The following BMPER variants were observed in gnomAD, a reference collection of about 807,000 sequenced individuals.
The protein encoded by BMPER is BMP-binding endothelial regulator protein.
A neutral mutation model predicts 87.3 loss-of-function variants in BMPER; 45 were observed. That is an observed-to-expected ratio of 0.52 (90% CI 0.41 to 0.66). The LOEUF (loss-of-function observed/expected upper bound fraction) is 0.66, where lower values mean the gene tolerates loss of function less well. Among genes scored for constraint, BMPER ranks in the 30% least tolerant of loss-of-function variants. The pLI is 0.00. For synonymous variants in BMPER, 326 were observed against 316.2 expected, an observed-to-expected ratio of 1.03 and a Z score of -0.33; for missense variants, 784 against 867.5, an observed-to-expected ratio of 0.90 and a Z score of 1.21.
chr7:34,106,265 C>T (rs931738020), intron 13 of BMPER, among the ~76,000 whole-genome samples: 3 of 152,204 alleles, frequency 2.0e-5, no homozygotes, highest in African/African-American at 7.2e-5. Context: ...TTGATTTCAT[C>T]CTGCCTTTCA....
chr7:33,983,292 T>C (rs370024558), intron 6 of BMPER, among the ~76,000 whole-genome samples: 23 of 152,214 alleles, frequency 1.5e-4, no homozygotes, highest in African/African-American at 5.5e-4. Flanking sequence ...ATAATTTGTT[T>C]GTAGCTGAAA....
chr7:34,041,823 A>G (rs1243523632), intron 6 of BMPER, among the ~76,000 whole-genome samples: 1 of 152,130 alleles, frequency 6.6e-6, no homozygotes, highest in Non-Finnish European at 1.5e-5. Flanking sequence ...AGAATTTGGC[A>G]TAGGAAAAAT....
intron 6 of BMPER, among the ~76,000 whole-genome samples, chr7:34,020,888 A>ACACACG (rs1554305933): frequency 6.8e-5 from 10 of 147,240 alleles, no homozygotes; most frequent in Non-Finnish European, 1.2e-4. Context: ...ACACACACAC[A>ACACACG]CACGCACGCA....
At chr7:34,078,205 A>T (rs1483315559) in intron 11 of BMPER, among the ~76,000 whole-genome samples, 3 of 152,186 alleles carry the variant, frequency 2.0e-5, no homozygotes, top group Non-Finnish European at 4.4e-5. Context: ...CTTATTTTTC[A>T]TCCAGTTTTA....
intron 6 of BMPER, among the ~76,000 whole-genome samples, chr7:33,997,265 T>C (rs907091369): frequency 7.2e-5 from 11 of 152,314 alleles, no homozygotes; most frequent in African/African-American, 2.6e-4. Flanking sequence ...AGCTCCCCTC[T>C]GCCCTCAACT....
chr7:33,977,891 C>G (rs1785729973), intron 6 of BMPER, among the ~76,000 whole-genome samples: 1 of 152,230 alleles, frequency 6.6e-6, no homozygotes, highest in African/African-American at 2.4e-5. Context: ...GAAACAGACC[C>G]TGAGATAAGT....
intron 13 of BMPER, among the ~76,000 whole-genome samples, chr7:34,125,951 A>G (rs895356097): frequency 3.3e-5 from 5 of 152,208 alleles, no homozygotes; most frequent in African/African-American, 1.2e-4. Flanking sequence ...AACACCTGCA[A>G]TGTGCTAGTA....
intron 13 of BMPER, among the ~76,000 whole-genome samples, chr7:34,125,899 A>G (rs1342349670): frequency 6.6e-6 from 1 of 152,216 alleles, no homozygotes; most frequent in African/African-American, 2.4e-5. Context: ...TCTGAAATGT[A>G]TCCAATTAAT....
intron 3 of BMPER, among the ~76,000 whole-genome samples, chr7:33,940,896 T>TTA (rs1784738228): frequency 7.5e-6 from 1 of 133,528 alleles, no homozygotes; most frequent in South Asian, 2.1e-4. Context: ...ATAATAGAAT[T>TTA]TATATATATT....
At chr7:34,029,126 CTG>C (rs1168031110) in intron 6 of BMPER, among the ~76,000 whole-genome samples, 3 of 151,984 alleles carry the variant, frequency 2.0e-5, no homozygotes, top group Non-Finnish European at 4.4e-5. Flanking sequence ...AAACTTGTGA[CTG>C]TTTCTTAGAA....
At chr7:33,973,012 T>C (rs1022827318) in intron 5 of BMPER, among the ~76,000 whole-genome samples, 1 of 152,244 alleles carries the variant, frequency 6.6e-6, no homozygotes, top group Admixed American at 6.5e-5. Flanking sequence ...AATGATATTC[T>C]GTGTAATGAC....
chr7:33,938,859 C>G (rs1009832466), intron 3 of BMPER, among the ~76,000 whole-genome samples: 28 of 152,076 alleles, frequency 1.8e-4, no homozygotes, highest in African/African-American at 6.8e-4. Context: ...AACCCTGTCT[C>G]TACTAAAAAT....
chr7:34,073,485 C>T (rs1423325377), intron 11 of BMPER, among the ~76,000 whole-genome samples: 1 of 152,122 alleles, frequency 6.6e-6, no homozygotes, highest in Admixed American at 6.5e-5. Context: ...CTTATGGGAC[C>T]ACTGTCACTC....
At chr7:33,952,827 G>A (rs1388457785) in intron 3 of BMPER, among the ~76,000 whole-genome samples, 1 of 152,170 alleles carries the variant, frequency 6.6e-6, no homozygotes, top group East Asian at 1.9e-4. Context: ...TCATCTTAGA[G>A]CTAATGTGTA....
chr7:34,024,379 A>G (rs1004126943), intron 6 of BMPER, among the ~76,000 whole-genome samples: 3 of 76,652 alleles, frequency 3.9e-5, no homozygotes, highest in Non-Finnish European at 6.7e-5. Flanking sequence ...AAAAAAAAAA[A>G]AAACAATATA....
At chr7:33,975,490 A>C (rs1785663499) in intron 6 of BMPER, among the ~76,000 whole-genome samples, 1 of 152,150 alleles carries the variant, frequency 6.6e-6, no homozygotes, top group Non-Finnish European at 1.5e-5. Flanking sequence ...GCTTAGATAT[A>C]AAAAAGAACT....
At chr7:33,972,086 G>A (rs1441808111) in intron 5 of BMPER, among the ~76,000 whole-genome samples, 1 of 152,040 alleles carries the variant, frequency 6.6e-6, no homozygotes, top group East Asian at 1.9e-4. Context: ...TGTATTTTTA[G>A]TAGAGACGGG....
intron 6 of BMPER, among the ~76,000 whole-genome samples, chr7:34,023,203 A>G (rs1787244520): frequency 6.6e-6 from 1 of 152,098 alleles, no homozygotes; most frequent in East Asian, 1.9e-4. Flanking sequence ...TGCTCATAGC[A>G]GGATCCACTG....
intron 13 of BMPER, among the ~76,000 whole-genome samples, chr7:34,087,657 C>G (rs765104478): frequency 6.6e-6 from 1 of 152,156 alleles, no homozygotes; most frequent in African/African-American, 2.4e-5. Flanking sequence ...TCATTTCTTC[C>G]GTGATTAATT....
Sources: gnomAD v4.1 joint callset for allele counts (sites outside exome capture counted in the v4.1 genomes callset) on GRCh38, gnomAD v4.1.1 for gene constraint, MANE v1.5 for transcripts, NCBI Gene and HGNC (gene_info 2026-07-23, HGNC 2026-07-21) for gene names.